The following EYS variants were observed in gnomAD, a reference collection of about 807,000 sequenced individuals.
The protein encoded by EYS is protein eyes shut homolog.
A neutral mutation model predicts 282.1 loss-of-function variants in EYS; 250 were observed. That is an observed-to-expected ratio of 0.89 (90% CI 0.80 to 0.98). The LOEUF is 0.98. EYS is among the 50% of genes least tolerant of loss of function. EYS has a pLI of 0.00. For missense variants in EYS, 4,016 were observed against 3,709.0 expected, an observed-to-expected ratio of 1.08 and a Z score of -2.15; for synonymous variants, 1,355 against 1,282.9, an observed-to-expected ratio of 1.06 and a Z score of -1.20.
intron 23 of EYS, 107 bp from the exon 24 acceptor site, chr6:64,617,640 A>G: frequency 4.3e-6 from 3 of 692,370 alleles, no homozygotes; most frequent in Middle Eastern, 2.4e-4. Flanking sequence ...TAATTATGCT[A>G]GATGTTTTGT....
At chr6:64,693,343 C>G (rs1770466810) in intron 22 of EYS, among the ~76,000 whole-genome samples, 1 of 151,708 alleles carries the variant, frequency 6.6e-6, no homozygotes, top group African/African-American at 2.4e-5. Context: ...CGAAATATTT[C>G]TAAAAATTTA....
chr6:63,880,569 A>G (rs539091595), intron 35 of EYS, among the ~76,000 whole-genome samples: 3 of 151,820 alleles, frequency 2.0e-5, no homozygotes, highest in East Asian at 1.9e-4. Context: ...TCAGGCTTGG[A>G]CCAATATTTT....
chr6:63,830,915 C>T (rs1213466972), intron 36 of EYS, among the ~76,000 whole-genome samples: 1 of 152,192 alleles, frequency 6.6e-6, no homozygotes, highest in African/African-American at 2.4e-5. Flanking sequence ...CAGTATTCAA[C>T]ATTCTTAAAG....
chr6:65,524,631 A>T (rs913307321), intron 2 of EYS, among the ~76,000 whole-genome samples: 5 of 152,160 alleles, frequency 3.3e-5, no homozygotes, highest in African/African-American at 1.2e-4. Flanking sequence ...ACATGGAAAC[A>T]CTGGTGAAAT....
At position 65,295,848 on chromosome 6, in the gene EYS, A is replaced by G. The variant is rs1489586514; in HGVS notation, c.2023+15T>C. 76 of 1,198,842 alleles carry G rather than the reference A, an allele frequency of 6.3e-5. 1 individual carries two copies. Among genetic ancestry groups the G allele is most frequent in the Non-Finnish European group, 7.4e-5 (67 of 910,620 alleles). 74.3% of individuals were successfully genotyped at this position (1,198,842 alleles called of 1,614,324 possible). ...TTACTAGAAAATTTAATTTATCAGG[A>G]AAAAAAAAACTTGCCTTTAAATCCT... On this transcript the variant is annotated intron_variant, in intron 12 of 42. Transcript: ENST00000503581.
At chr6:64,997,254 G>T (rs775440133) in intron 14 of EYS, among the ~76,000 whole-genome samples, 8 of 152,128 alleles carry the variant, frequency 5.3e-5, no homozygotes, top group Non-Finnish European at 7.4e-5. Flanking sequence ...AAAAATAGGT[G>T]GCCGTTAAGA....
At chr6:65,174,876 G>T (rs1322456873) in intron 12 of EYS, among the ~76,000 whole-genome samples, 2 of 151,048 alleles carry the variant, frequency 1.3e-5, no homozygotes, top group East Asian at 3.9e-4. Flanking sequence ...AGAAATTTTG[G>T]CAGCTGTTAA....
intron 19 of EYS, among the ~76,000 whole-genome samples, chr6:64,837,002 G>T (rs1765402009): frequency 6.6e-6 from 1 of 151,592 alleles, no homozygotes; most frequent in African/African-American, 2.4e-5. Flanking sequence ...TTAATGAATG[G>T]CATGGGGGAT....
At chr6:64,180,463 A>G (rs1764757408) in intron 31 of EYS, among the ~76,000 whole-genome samples, 1 of 152,106 alleles carries the variant, frequency 6.6e-6, no homozygotes, top group African/African-American at 2.4e-5. Context: ...GTGGATGTGC[A>G]GGTTTGTTAC....
chr6:65,227,106 G>A (rs781037547), intron 12 of EYS, among the ~76,000 whole-genome samples: 66 of 149,628 alleles, frequency 4.4e-4, no homozygotes, highest in Admixed American at 6.7e-4. Flanking sequence ...GGTGGTGCAT[G>A]TCTGTAATCC....
At chr6:65,357,007 C>G (rs1235527418) in intron 8 of EYS, among the ~76,000 whole-genome samples, 1 of 151,914 alleles carries the variant, frequency 6.6e-6, no homozygotes, top group African/African-American at 2.4e-5. Context: ...AGAGTGGAAG[C>G]ACTTTTTGCA....
At chr6:64,577,816 T>A (rs1273421760) in intron 26 of EYS, among the ~76,000 whole-genome samples, 1 of 152,118 alleles carries the variant, frequency 6.6e-6, no homozygotes, top group Non-Finnish European at 1.5e-5. Context: ...GACAGTTTTA[T>A]AGCTGATAAA....
intron 14 of EYS, among the ~76,000 whole-genome samples, chr6:64,995,870 A>C (rs1021970867): frequency 1.3e-5 from 2 of 152,120 alleles, no homozygotes; most frequent in Non-Finnish European, 2.9e-5. Context: ...ATTTGGTATA[A>C]GGCAAGATGT....
chr6:65,107,479 G>A (rs1775074573), intron 12 of EYS, among the ~76,000 whole-genome samples: 1 of 135,782 alleles, frequency 7.4e-6, no homozygotes, highest in South Asian at 2.1e-4. Flanking sequence ...GCTCCCTTGG[G>A]GAAACAAATG....
At chr6:65,284,036 C>A (rs1582099269) in intron 12 of EYS, among the ~76,000 whole-genome samples, 1 of 152,076 alleles carries the variant, frequency 6.6e-6, no homozygotes, top group Admixed American at 6.6e-5. Context: ...AAGCGATGCA[C>A]CAGTACTCCT....
rs999920333 is a variant in EYS at position 65,198,500 on chromosome 6, A to AT, written c.2023+97362dup. On this transcript the variant is annotated intron_variant, in intron 12 of 42. Coordinates refer to ENST00000503581, the MANE Select transcript of EYS (RefSeq NM_001142800.2). The stretch of plus-strand genomic sequence containing the variant: ...TTGTAAGATTGGCAGTGCAGCAGGG[A>AT]TTTTTTTTTACACCTGCATCACCAC... Among the ~76,000 whole-genome samples, 337 of 151,692 alleles carry AT rather than the reference A, an allele frequency of 2.2e-3. 4 individuals carry two copies. Among genetic ancestry groups the AT allele is most frequent in the African/African-American group, 7.7e-3 (318 of 41,360 alleles).
chr6:65,181,830 T>G (rs1486673913), intron 12 of EYS, among the ~76,000 whole-genome samples: 2 of 152,098 alleles, frequency 1.3e-5, no homozygotes, highest in Non-Finnish European at 2.9e-5. Context: ...AAGGATAGAC[T>G]GGATTAAGAA....
chr6:65,132,478 A>G (rs1775905729), intron 12 of EYS, among the ~76,000 whole-genome samples: 1 of 152,112 alleles, frequency 6.6e-6, no homozygotes, highest in South Asian at 2.1e-4. Flanking sequence ...TTATCTCAAT[A>G]GATGCATAAA....
At chr6:65,240,655 A>G (rs1057046542) in intron 12 of EYS, among the ~76,000 whole-genome samples, 2 of 152,178 alleles carry the variant, frequency 1.3e-5, no homozygotes, top group African/African-American at 4.8e-5. Context: ...TGTGGTATAT[A>G]TCACCACATT....
Sources: allele counts gnomAD v4.1 joint callset (sites outside exome capture counted in the v4.1 genomes callset), GRCh38; gene constraint gnomAD v4.1.1; transcripts MANE v1.5; gene names NCBI Gene and HGNC (gene_info 2026-07-23, HGNC 2026-07-21).